NHEJ1: variants seen among roughly 807,000 people sequenced by gnomAD.
The protein encoded by NHEJ1 is non-homologous end-joining factor 1.
A neutral mutation model predicts 39.4 loss-of-function variants in NHEJ1; 22 were observed. The observed-to-expected ratio is 0.56, with a 90% CI of 0.40 to 0.80. The LOEUF is 0.80. Among genes scored for constraint, NHEJ1 ranks in the 30% least tolerant of loss-of-function variants. The pLI, the probability that NHEJ1 is intolerant of heterozygous loss-of-function variation, is 0.00. For missense variants in NHEJ1, 329 were observed against 357.1 expected, an observed-to-expected ratio of 0.92 and a Z score of 0.63; for synonymous variants, 154 against 135.6, an observed-to-expected ratio of 1.14 and a Z score of -0.94.
In NHEJ1 at chr2:219,072,706, G is replaced by C. The variant is rs1340606070; in HGVS notation, c.*3675C>G. On this transcript the variant is annotated 3_prime_UTR_variant, in exon 8 of 8. Coordinates refer to ENST00000356853, the MANE Select transcript of NHEJ1 (RefSeq NM_024782.3). ...TCTATTAACACAGTCTACATTAACA[G>C]CATAAGCAGAACAGACAAAGTGAGC... Among the ~76,000 whole-genome samples, 1 of 147,974 alleles carries C rather than the reference G, an allele frequency of 6.8e-6. No homozygotes were observed. The highest frequency in any genetic ancestry group is 2.7e-5 in the African/African-American group (1 of 37,464).
chr2:219,110,838 G>A (rs1949359088), intron 5 of NHEJ1, among the ~76,000 whole-genome samples: 1 of 152,126 alleles, frequency 6.6e-6, no homozygotes, highest in African/African-American at 2.4e-5. Flanking sequence ...ACCGTGGATG[G>A]AGTCCATATG....
chr2:219,115,192 CA>C (rs1949401668), intron 5 of NHEJ1, among the ~76,000 whole-genome samples: 1 of 134,420 alleles, frequency 7.4e-6, no homozygotes, highest in East Asian at 2.0e-4. Context: ...AGAAAGGGGG[CA>C]GGGGGAGGAA....
chr2:219,075,320 A>C lies in NHEJ1; in HGVS notation c.*1061T>G, dbSNP rs571516675. On this transcript the variant is annotated 3_prime_UTR_variant, in exon 8 of 8. Transcript: ENST00000356853. ...ACTGCTCAATAAATGTTAGCTATTT[A>C]TTATTGTTGTTCTTATTATAATTAT... The C allele has an allele frequency of 6.6e-6, 1 of 152,262 alleles. No individual in the cohort carries two copies. Among genetic ancestry groups the C allele is most frequent in the South Asian group, 2.1e-4 (1 of 4,824 alleles). The allele number at this position is 152,262 out of a possible 1,614,324, so 9.4% of individuals were successfully genotyped here. A position where few individuals can be genotyped will look rare whatever the true frequency, so the allele number is the denominator to read the frequency against.
Position 219,137,595 on chromosome 2 carries a change from A to AAAAAAAAAAAAAAAAAAAAAAAAAAC in NHEJ1, c.588+9084_588+9085insGTTTTTTTTTTTTTTTTTTTTTTTTT, listed in dbSNP as rs143557047. Among the ~76,000 whole-genome samples, 8 of 82,660 alleles carry AAAAAAAAAAAAAAAAAAAAAAAAAAC rather than the reference A, an allele frequency of 9.7e-5. 3 individuals carry two copies. Among genetic ancestry groups the AAAAAAAAAAAAAAAAAAAAAAAAAAC allele is most frequent in the South Asian group, 4.6e-4 (1 of 2,152 alleles). The allele number at this position is 82,660 out of a possible 152,430, so 54.2% of individuals were successfully genotyped here. ...CAAAAAAAAAAAAAAAAAAAAAACA[A>AAAAAAAAAAAAAAAAAAAAAAAAAAC]AAAAAACTGAAAACCACCTTCAGAA... On this transcript the variant is annotated intron_variant, in intron 5 of 7. Coordinates refer to ENST00000356853, the MANE Select transcript of NHEJ1 (RefSeq NM_024782.3).
In NHEJ1 at chr2:219,070,497, C is replaced by T. The variant is rs752041980; in HGVS notation, c.*5884G>A. 6.6e-5 allele frequency among the ~76,000 whole-genome samples: 10 copies of T among 151,870 alleles called. No individual in the cohort carries two copies. The highest frequency in any genetic ancestry group is 4.6e-4 in the Admixed American group (7 of 15,256). Reference sequence around the variant, plus strand: ...GTGAGCCACTGCGCCTGGCCCACCACGCTAATTTTAAAAATGTTTTGCAAA... The same window carrying T: ...GTGAGCCACTGCGCCTGGCCCACCATGCTAATTTTAAAAATGTTTTGCAAA... On this transcript the variant is annotated 3_prime_UTR_variant, in exon 8 of 8. Transcript: ENST00000356853.
intron 5 of NHEJ1, among the ~76,000 whole-genome samples, chr2:219,135,043 T>TA (rs59843524): frequency 0.075 from 8,292 of 110,464 alleles, 921 homozygotes; most frequent in East Asian, 0.52. Context: ...CCGTCTCAAT[T>TA]AAAAAAAAAA....
chr2:219,103,736 T>G (rs183886003), intron 5 of NHEJ1, among the ~76,000 whole-genome samples: 70 of 152,306 alleles, frequency 4.6e-4, no homozygotes, highest in Admixed American at 1.3e-3. Context: ...AAAGAGAACA[T>G]TATCCCTATT....
chr2:219,104,433 T>A (rs908318893), intron 5 of NHEJ1, among the ~76,000 whole-genome samples: 2 of 152,186 alleles, frequency 1.3e-5, no homozygotes, highest in African/African-American at 4.8e-5. Context: ...TAATCGCTGC[T>A]CTCTCTACCC....
chr2:219,094,165 G>A (rs929241319), intron 5 of NHEJ1, among the ~76,000 whole-genome samples: 1 of 152,182 alleles, frequency 6.6e-6, no homozygotes, highest in African/African-American at 2.4e-5. Flanking sequence ...CTGGGGTGGT[G>A]ATGGAGGGAT....
intron 5 of NHEJ1, among the ~76,000 whole-genome samples, chr2:219,135,043 T>A (rs867999846): frequency 2.0e-4 from 22 of 110,424 alleles, no homozygotes; most frequent in South Asian, 2.9e-4. Flanking sequence ...CCGTCTCAAT[T>A]AAAAAAAAAA....
At chr2:219,080,628 A>AATATATATAAGCTTATATATATTAGC (rs1330132130) in intron 5 of NHEJ1, among the ~76,000 whole-genome samples, 1 of 142,422 alleles carries the variant, frequency 7.0e-6, no homozygotes, top group Non-Finnish European at 1.5e-5. Flanking sequence ...TATATATGCT[A>AATATATATAAGCTTATATATATTAGC]ATATATATAA....
intron 5 of NHEJ1, among the ~76,000 whole-genome samples, chr2:219,134,072 A>G (rs1170978946): frequency 1.3e-5 from 2 of 152,186 alleles, no homozygotes; most frequent in Non-Finnish European, 2.9e-5. Context: ...GAAGAGTTCT[A>G]CACTCATTGT....
chr2:219,124,935 A>G (rs1949501507), intron 5 of NHEJ1, among the ~76,000 whole-genome samples: 1 of 152,040 alleles, frequency 6.6e-6, no homozygotes, highest in Non-Finnish European at 1.5e-5. Flanking sequence ...GCTGCCTTCA[A>G]CTGAGGGGCC....
chr2:219,146,753 A>T lies in NHEJ1; in HGVS notation c.530-15T>A, dbSNP rs1352354841. ...CTTCAATCGATCTGTAATAAGAAGG[A>T]TCAGAAAAAAGAAATATGAGTCATA... is the stretch of plus-strand genomic sequence containing the variant. On this transcript the variant is annotated splice_polypyrimidine_tract_variant and intron_variant, in intron 4 of 7. Transcript: ENST00000356853. The T allele has an allele frequency of 6.2e-7, 1 of 1,600,138 alleles. No individual in the cohort carries two copies. Among genetic ancestry groups the T allele is most frequent in the Admixed American group, 1.7e-5 (1 of 60,000 alleles).
At position 219,137,595 on chromosome 2, in the gene NHEJ1, A is replaced by AAAAAAAAAAAAAAAAAAAC. The variant is rs143557047; in HGVS notation, c.588+9084_588+9085insGTTTTTTTTTTTTTTTTTT. Among the ~76,000 whole-genome samples the AAAAAAAAAAAAAAAAAAAC allele has an allele frequency of 1.2e-4, 10 of 82,668 alleles. 1 individual carries two copies. The highest frequency in any genetic ancestry group is 1.5e-4 in the Non-Finnish European group (5 of 32,978). 54.2% of individuals were successfully genotyped at this position (82,668 alleles called of 152,430 possible). On this transcript the variant is annotated intron_variant, in intron 5 of 7. Transcript: ENST00000356853. ...CAAAAAAAAAAAAAAAAAAAAAACA[A>AAAAAAAAAAAAAAAAAAAC]AAAAAACTGAAAACCACCTTCAGAA... is the stretch of plus-strand genomic sequence containing the variant.
At chr2:219,126,676 A>C (rs1949526374) in intron 5 of NHEJ1, among the ~76,000 whole-genome samples, 1 of 152,160 alleles carries the variant, frequency 6.6e-6, no homozygotes, top group Non-Finnish European at 1.5e-5. Context: ...GGAGCCAGAA[A>C]AACCAGTAAT....
intron 5 of NHEJ1, among the ~76,000 whole-genome samples, chr2:219,115,761 C>T (rs1478659790): frequency 6.6e-6 from 1 of 152,152 alleles, no homozygotes; most frequent in African/African-American, 2.4e-5. Flanking sequence ...CGCATTTTAC[C>T]CAGCTCCCTA....
intron 4 of NHEJ1, among the ~76,000 whole-genome samples, chr2:219,147,354 C>A (rs1407588018): frequency 6.6e-6 from 1 of 152,088 alleles, no homozygotes; most frequent in African/African-American, 2.4e-5. Context: ...TGGTGGCGTG[C>A]GTCTACAATC....
Position 219,075,491 on chromosome 2 carries a change from A to C in NHEJ1, c.*890T>G, listed in dbSNP as rs1046416921. 1 of 152,320 alleles carries C rather than the reference A, an allele frequency of 6.6e-6. No homozygotes were observed. Among genetic ancestry groups the C allele is most frequent in the Non-Finnish European group, 1.5e-5 (1 of 68,036 alleles). 9.4% of individuals were successfully genotyped at this position (152,320 alleles called of 1,614,324 possible). A position where few individuals can be genotyped will look rare whatever the true frequency, so the allele number is the denominator to read the frequency against. ...GATAGGCGTGGTAGCTCATGCCTGTAATCCCAGCACTTTGGGAGGTTGAGG... is the reference window on the plus strand; with the variant it reads ...GATAGGCGTGGTAGCTCATGCCTGTCATCCCAGCACTTTGGGAGGTTGAGG... On this transcript the variant is annotated 3_prime_UTR_variant, in exon 8 of 8. Coordinates refer to ENST00000356853, the MANE Select transcript of NHEJ1 (RefSeq NM_024782.3).
Sources: gnomAD v4.1 joint callset for allele counts (sites outside exome capture counted in the v4.1 genomes callset) on GRCh38, gnomAD v4.1.1 for gene constraint, MANE v1.5 for transcripts, NCBI Gene and HGNC (gene_info 2026-07-23, HGNC 2026-07-21) for gene names.